Variants in PVR observed in about 807,000 individuals in gnomAD.
The protein encoded by PVR is PVR cell adhesion molecule.
A neutral mutation model predicts 43.3 loss-of-function variants in PVR; 39 were observed. The observed-to-expected ratio is 0.90, with a 90% CI of 0.70 to 1.18. PVR has a LOEUF of 1.18. PVR is among the 50% of genes most tolerant of loss of function. The pLI, the probability that PVR is intolerant of heterozygous loss-of-function variation, is 0.00. For missense variants in PVR, 480 were observed against 549.7 expected (o/e 0.87, Z 1.27); for synonymous variants, 224 against 233.2 (o/e 0.96, Z 0.36).
At position 44,665,056 on chromosome 19, in the gene PVR, A is replaced by G. The variant is rs1973677314; in HGVS notation, c.*3245A>G. ...GGGAGGGGGCATCCTTGGAGTCCAC[A>G]GAGCCAGGAATGGAGAGTGGGCCCA... is the stretch of plus-strand genomic sequence containing the variant. On this transcript the variant is annotated 3_prime_UTR_variant, in exon 8 of 8. Coordinates refer to ENST00000425690, the MANE Select transcript of PVR (RefSeq NM_006505.5). The G allele has an allele frequency of 6.6e-6, 1 of 152,234 alleles. No homozygotes were observed. Among genetic ancestry groups the G allele is most frequent in the Admixed American group, 6.5e-5 (1 of 15,274 alleles). The allele number at this position is 152,234 out of a possible 1,614,324, so 9.4% of individuals were successfully genotyped here.
At chr19:44,659,427 C>G (rs1261740934) in intron 6 of PVR, among the ~76,000 whole-genome samples, 1 of 152,056 alleles carries the variant, frequency 6.6e-6, no homozygotes, top group Non-Finnish European at 1.5e-5. Flanking sequence ...TGTCTACATG[C>G]CACTTTGTAT....
intron 6 of PVR, 39 bp from the exon 7 acceptor site, chr19:44,661,253 A>G (rs1973582302): frequency 1.3e-6 from 2 of 1,595,486 alleles, no homozygotes; most frequent in East Asian, 4.5e-5. Context: ...GCTTCCCAGC[A>G]TTATTCCTTC....
At chr19:44,652,326 G>A (rs1271907447) in intron 3 of PVR, among the ~76,000 whole-genome samples, 1 of 152,108 alleles carries the variant, frequency 6.6e-6, no homozygotes, top group African/African-American at 2.4e-5. Flanking sequence ...AGTCTCCTGA[G>A]TAGCTGGGAC....
At chr19:44,644,269 G>A (rs1973012180) in intron 1 of PVR, 94 bp downstream of exon 1, 3 of 933,912 alleles carry the variant, frequency 3.2e-6, no homozygotes, top group East Asian at 3.3e-5. Flanking sequence ...CGAAGATGAC[G>A]GCCCCGCCCG....
rs1471577338 is a variant in PVR, at chr19:44,662,037, C to T, written c.*226C>T. 13 of 568,668 alleles carry T rather than the reference C, an allele frequency of 2.3e-5. No homozygotes were observed. The East Asian group carries it at 3.4e-4, about 15-fold the overall frequency. The allele number at this position is 568,668 out of a possible 1,614,324, so 35.2% of individuals were successfully genotyped here. Reference sequence around the variant, plus strand: ...AGACTCAGGAAAGCTGTTAGGCTCACAGTTACAGTTTATTACAGTAAAAGG... The same window carrying T: ...AGACTCAGGAAAGCTGTTAGGCTCATAGTTACAGTTTATTACAGTAAAAGG... On this transcript the variant is annotated 3_prime_UTR_variant, in exon 8 of 8. Transcript: ENST00000425690.
In PVR at chr19:44,657,828, C is replaced by T; in HGVS notation, c.909C>T (p.Asp303=). 1 of 1,614,002 alleles carries T rather than the reference C, an allele frequency of 6.2e-7. No individual in the cohort carries two copies. ...CCCAGCTCCTGATCCGTCCTGTGGA[C>T]AAACCAATCAACACAACTTTAATCT... ...QGAQLLIRPV[D]KPINTTLICN... is the part of the protein sequence containing the mutation. The change falls in exon 5 of 8, where the codon GAC becomes GAT. Residue 303 remains aspartate (D), a synonymous_variant. Transcript: ENST00000425690.
intron 1 of PVR, among the ~76,000 whole-genome samples, chr19:44,646,445 T>C (rs138350865): frequency 1.4e-3 from 206 of 152,278 alleles, no homozygotes; most frequent in African/African-American, 4.7e-3. Context: ...AGTCATGGTA[T>C]GTGAAACCTA....
chr19:44,660,286 A>G (rs1973559629), intron 6 of PVR, among the ~76,000 whole-genome samples: 1 of 152,120 alleles, frequency 6.6e-6, no homozygotes, highest in Non-Finnish European at 1.5e-5. Context: ...TGGGCCCTAA[A>G]GCTACTGCTT....
In PVR at chr19:44,653,893, C is replaced by A. The variant is rs758353792; in HGVS notation, c.725-7C>A. The A allele has an allele frequency of 1.9e-5, 31 of 1,600,686 alleles. No homozygotes were observed. The African/African-American group carries it at 3.6e-4, about 19-fold the overall frequency. On this transcript the variant is annotated splice_region_variant and splice_polypyrimidine_tract_variant and intron_variant, in intron 3 of 7. Coordinates refer to ENST00000425690, the MANE Select transcript of PVR (RefSeq NM_006505.5). ...AGTCTCTGAACCTCTGTATCCATTTCCTGCAGACCCCCCAGAGGTATCCAT... is the reference window on the plus strand; with the variant it reads ...AGTCTCTGAACCTCTGTATCCATTTACTGCAGACCCCCCAGAGGTATCCAT...
intron 3 of PVR, chr19:44,653,667 G>C (rs751210765): frequency 2.1e-6 from 1 of 477,774 alleles, no homozygotes; most frequent in Non-Finnish European, 3.8e-6. Flanking sequence ...ACCCAGGAAA[G>C]CTAGTGGAGA....
At position 44,653,967 on chromosome 19, in the gene PVR, G is replaced by A. The variant is rs971674694; in HGVS notation, c.792G>A (p.Leu264=). ...NWYLGQNEAT[L]TCDARSNPEP... Reference sequence around the variant, plus strand: ...ACCTTGGCCAGAATGAGGCCACCCTGACCTGCGATGCTCGCAGCAACCCAG... The same window carrying A: ...ACCTTGGCCAGAATGAGGCCACCCTAACCTGCGATGCTCGCAGCAACCCAG... The change falls in exon 4 of 8, where the codon CTG becomes CTA. Residue 264 remains leucine, a synonymous_variant. Transcript: ENST00000425690. The A allele has an allele frequency of 3.7e-6, 6 of 1,614,198 alleles. No individual in the cohort carries two copies. In the South Asian group the frequency reaches 5.5e-5, roughly 15 times the overall value.
Position 44,645,144 on chromosome 19 carries a change from TATTATA to T in PVR, c.79+972_79+977del, listed in dbSNP as rs1275925964. ...ATATATTATAATATATTATATATAT[TATTATA>T]ATATATAATATGTATATTATATATT... On this transcript the variant is annotated intron_variant, in intron 1 of 7. Coordinates refer to ENST00000425690, the MANE Select transcript of PVR (RefSeq NM_006505.5). 6.6e-4 allele frequency among the ~76,000 whole-genome samples: 20 copies of T among 30,174 alleles called. 1 individual carries two copies. In the African/African-American group the frequency reaches 0.01, roughly 15 times the overall value. The allele number at this position is 30,174 out of a possible 152,430, so 19.8% of individuals were successfully genotyped here. A position where few individuals can be genotyped will look rare whatever the true frequency, so the allele number is the denominator to read the frequency against.
chr19:44,651,853 A>T (rs8108587), intron 3 of PVR, among the ~76,000 whole-genome samples: 8,624 of 152,240 alleles, frequency 0.057, 320 homozygotes, highest in South Asian at 0.16. Context: ...CGGCCACCCC[A>T]TTAAAAAATT....
At chr19:44,644,207 T>C (rs1056133143) in intron 1 of PVR, 32 bp downstream of exon 1, 5 of 1,450,330 alleles carry the variant, frequency 3.4e-6, no homozygotes, top group Non-Finnish European at 3.6e-6. Flanking sequence ...CGGTGGCCCC[T>C]GTCTGGCTCC....
chr19:44,649,753 C>G, intron 2 of PVR, 56 bp from the exon 3 acceptor site: 3 of 1,572,606 alleles, frequency 1.9e-6, no homozygotes, highest in Non-Finnish European at 2.6e-6. Flanking sequence ...ATGAATGCCC[C>G]CTTCTGCCAC....
rs772415350 is a variant in PVR, at chr19:44,658,865, G to A, written c.1115G>A (p.Arg372His). Residue 372 changes from arginine (R) to histidine (H), a missense_variant, in exon 6 of 8, where the codon CGT becomes CAT. By Grantham distance (29) the Arg-to-His change is conservative. Coordinates refer to ENST00000425690, the MANE Select transcript of PVR (RefSeq NM_006505.5). The stretch of plus-strand genomic sequence containing the variant: ...TATTTCTATTGGTCCAAATGTTCCC[G>A]TGAGGTCCTTTGGCACTGTCATCTG... ...GIYFYWSKCSREVLWHCHLCP... is the reference protein window; with the variant it reads ...GIYFYWSKCSHEVLWHCHLCP... The A allele has an allele frequency of 4.7e-5, 76 of 1,613,934 alleles. No homozygotes were observed. The highest frequency in any genetic ancestry group is 3.3e-4 in the Middle Eastern group (2 of 6,084).
In PVR at chr19:44,657,745, C is replaced by CT. The variant is rs752402457; in HGVS notation, c.843-14dup. 1.1e-5 allele frequency: 17 copies of CT among 1,613,616 alleles called. No individual in the cohort carries two copies. Among genetic ancestry groups the CT allele is most frequent in the Non-Finnish European group, 1.2e-5 (14 of 1,179,828 alleles). On this transcript the variant is annotated splice_polypyrimidine_tract_variant and intron_variant, in intron 4 of 7. Transcript: ENST00000425690. ...CCTGCAGCAGAGGCCACCTCCTCAC[C>CT]TTTCTGTCTCTCCCAGGACCATGGG...
At position 44,658,983 on chromosome 19, in the gene PVR, C is replaced by T. The variant is rs1973528633; in HGVS notation, c.1150+83C>T. On this transcript the variant is annotated intron_variant, in intron 6 of 7. Coordinates refer to ENST00000425690, the MANE Select transcript of PVR (RefSeq NM_006505.5). ...CTTCCAGTGTGCCTCTCACTGAATC[C>T]TCACCCCACTGCCATGAGGTTTCCC... 7 of 1,344,336 alleles carry T rather than the reference C, an allele frequency of 5.2e-6. No homozygotes were observed. The South Asian group carries it at 9.4e-5, about 18-fold the overall frequency. 83.3% of individuals were successfully genotyped at this position (1,344,336 alleles called of 1,614,324 possible). A position where few individuals can be genotyped will look rare whatever the true frequency, so the allele number is the denominator to read the frequency against.
chr19:44,651,587 T>A (rs886500825), intron 3 of PVR, among the ~76,000 whole-genome samples: 13 of 151,866 alleles, frequency 8.6e-5, no homozygotes, highest in Non-Finnish European at 1.5e-4. Flanking sequence ...CCCAATATTG[T>A]CTACACTGGC....
Sources: gnomAD v4.1 joint callset for allele counts (sites outside exome capture counted in the v4.1 genomes callset) on GRCh38, gnomAD v4.1.1 for gene constraint, MANE v1.5 for transcripts, NCBI Gene and HGNC (gene_info 2026-07-23, HGNC 2026-07-21) for gene names.